Variants in SHPRH observed in about 807,000 individuals in gnomAD.
SHPRH encodes E3 ubiquitin-protein ligase SHPRH.
In SHPRH, 106 loss-of-function variants were observed where a neutral mutation model predicts 202.5. That is an observed-to-expected ratio of 0.52 (90% CI 0.45 to 0.62). SHPRH has a LOEUF of 0.62. Among genes scored for constraint, SHPRH ranks in the 20% least tolerant of loss-of-function variants. The pLI is 0.00. For synonymous variants in SHPRH, 729 were observed against 686.0 expected (o/e 1.06, Z -0.98); for missense variants, 1,710 against 2,020.0 (o/e 0.85, Z 2.94).
intron 25 of SHPRH, chr6:145,908,507 G>A (rs1407559185): frequency 6.6e-6 from 1 of 152,052 alleles, no homozygotes; most frequent in Non-Finnish European, 1.5e-5. Flanking sequence ...GCATTTCTCC[G>A]ATGATCAGTG....
intron 2 of SHPRH, among the ~76,000 whole-genome samples, chr6:145,874,672 C>T (rs1780220393): frequency 6.6e-6 from 1 of 152,132 alleles, no homozygotes; most frequent in Admixed American, 6.5e-5. Context: ...ACATTTTTAT[C>T]CCCTTGAAGT....
At chr6:145,922,230 G>C in intron 20 of SHPRH, 56 bp downstream of exon 20, 3 of 1,464,774 alleles carry the variant, frequency 2.0e-6, no homozygotes, top group Non-Finnish European at 2.8e-6. Context: ...TCACATAACT[G>C]AGTCTTGCAA....
At chr6:145,923,180 C>G (rs1413940146) in intron 18 of SHPRH, among the ~76,000 whole-genome samples, 1 of 151,606 alleles carries the variant, frequency 6.6e-6, no homozygotes, top group Non-Finnish European at 1.5e-5. Context: ...CATCCTTGCT[C>G]TATATGAGGA....
chr6:145,933,104 T>C lies in SHPRH; in HGVS notation c.3065A>G (p.Gln1022Arg), dbSNP rs1562338775. 1 of 1,613,926 alleles carries C rather than the reference T, an allele frequency of 6.2e-7. No individual in the cohort carries two copies. Among genetic ancestry groups the C allele is most frequent in the Admixed American group, 1.7e-5 (1 of 60,018 alleles). ...TAAGCCATTGAGAGCACAAACTAGC[T>C]GTCGATGTGCTTCTTCACATTCAGT... ...CGTECEEAHR[Q>R]LVCALNGLAG... The change falls in exon 14 of 30, where the codon CAG becomes CGG. Residue 1022 changes from glutamine to arginine, a missense_variant. By Grantham distance (43) the Gln-to-Arg change is conservative. Around this residue, in one of 8 missense-constraint regions of SHPRH, gnomAD observed 288 missense variants for 317.8 expected, o/e 0.91. Coordinates refer to ENST00000275233, the MANE Select transcript of SHPRH (RefSeq NM_001042683.3).
intron 1 of SHPRH, among the ~76,000 whole-genome samples, chr6:145,961,894 G>A (rs1789126352): frequency 6.6e-6 from 1 of 152,194 alleles, no homozygotes; most frequent in Non-Finnish European, 1.5e-5. Flanking sequence ...AAAGAAAATA[G>A]TATTTGGTCA....
chr6:145,952,301 T>G (rs954791970), intron 3 of SHPRH, 48 bp downstream of exon 3: 43 of 1,514,222 alleles, frequency 2.8e-5, no homozygotes, highest in Non-Finnish European at 3.8e-5. Flanking sequence ...AGGAAAAAAC[T>G]CACAACTCCT....
chr6:145,962,387 C>T (rs942821993), intron 1 of SHPRH, among the ~76,000 whole-genome samples: 3 of 152,196 alleles, frequency 2.0e-5, no homozygotes, highest in African/African-American at 4.8e-5. Context: ...GAGGACCTAA[C>T]GATACTTTAC....
At position 145,918,248 on chromosome 6, in the gene SHPRH, A is replaced by G; in HGVS notation, c.4153-16T>C. 6.8e-7 allele frequency: 1 copy of G among 1,481,014 alleles called. No homozygotes were observed. The highest frequency in any genetic ancestry group is 9.0e-7 in the Non-Finnish European group (1 of 1,105,404). The allele number at this position is 1,481,014 out of a possible 1,614,324, so 91.7% of individuals were successfully genotyped here. On this transcript the variant is annotated splice_polypyrimidine_tract_variant and intron_variant, in intron 22 of 29. Coordinates refer to ENST00000275233, the MANE Select transcript of SHPRH (RefSeq NM_001042683.3). ...TTTGTTCTACCTAAAGAAAATAAAA[A>G]TAAAAACTTCTTTATTCTTTCAGAA... is the stretch of plus-strand genomic sequence containing the variant.
At chr6:145,860,955 T>C (rs191266507), downstream of SHPRH, among the ~76,000 whole-genome samples, 1 of 151,888 alleles carries the variant, frequency 6.6e-6, no homozygotes, top group Non-Finnish European at 1.5e-5. Context: ...ATGTAAAGCA[T>C]GAAAGTGGGC....
chr6:145,959,102 TG>T (rs962305437), intron 1 of SHPRH, among the ~76,000 whole-genome samples: 1 of 152,216 alleles, frequency 6.6e-6, no homozygotes, highest in Non-Finnish European at 1.5e-5. Context: ...CCCAAAGTGC[TG>T]GGACTACAGG....
chr6:145,871,831 A>G (rs1780069857), intron 2 of SHPRH, among the ~76,000 whole-genome samples: 1 of 152,236 alleles, frequency 6.6e-6, no homozygotes, highest in Admixed American at 6.5e-5. Context: ...ATAGCACGGT[A>G]CTGGTACAAA....
At position 145,943,191 on chromosome 6, in the gene SHPRH, C is replaced by T. The variant is rs374885958; in HGVS notation, c.2190G>A (p.Trp730Ter). The T allele has an allele frequency of 1.9e-6, 3 of 1,612,764 alleles. No individual in the cohort carries two copies. The highest frequency in any genetic ancestry group is 2.5e-6 in the Non-Finnish European group (3 of 1,179,358). Residue 730 changes from tryptophan to a stop codon, truncating the protein, a stop_gained, in exon 9 of 30, where the codon TGG (tryptophan) becomes TGA (stop). Transcript: ENST00000275233. LOFTEE classifies it high-confidence loss of function. ...TCACATGCCTGTTGATCTCATCCAC[C>T]CACTGGTGACAGATGGAACTTGGAG... ...IISPSSICHQWVDEINRHVRS... is the reference protein window; with the variant it reads ...IISPSSICHQ
intron 2 of SHPRH, among the ~76,000 whole-genome samples, chr6:145,864,700 G>GT (rs1249485726): frequency 1.4e-5 from 2 of 148,092 alleles, no homozygotes; most frequent in Non-Finnish European, 3.0e-5. Flanking sequence ...TAAAGCTAAG[G>GT]TTAAAAAAAA....
At chr6:145,910,080 T>G (rs1783354991) in intron 25 of SHPRH, 1 of 165,300 alleles carries the variant, frequency 6.0e-6, no homozygotes. Context: ...TTCCTTACAT[T>G]CAGGGATGTG....
intron 11 of SHPRH, among the ~76,000 whole-genome samples, chr6:145,936,623 G>A (rs1047816415): frequency 2.0e-5 from 3 of 151,836 alleles, no homozygotes; most frequent in African/African-American, 4.8e-5. Flanking sequence ...CACCATGTCC[G>A]GGTTGTAATT....
At chr6:145,859,745 A>G (rs1779521705), downstream of SHPRH, among the ~76,000 whole-genome samples, 1 of 152,070 alleles carries the variant, frequency 6.6e-6, no homozygotes, top group Non-Finnish European at 1.5e-5. Context: ...CTGTTGTAAC[A>G]ATACCCAAGC....
At chr6:145,933,750 A>G (rs1785724309) in intron 13 of SHPRH, among the ~76,000 whole-genome samples, 1 of 152,238 alleles carries the variant, frequency 6.6e-6, no homozygotes, top group African/African-American at 2.4e-5. Context: ...CCTGCTTAAA[A>G]GCAAAGACAA....
intron 15 of SHPRH, 125 bp from the exon 16 acceptor site, chr6:145,926,421 T>C (rs1193092854): frequency 3.6e-6 from 3 of 843,168 alleles, no homozygotes; most frequent in Non-Finnish European, 5.5e-6. Flanking sequence ...ATACTTTTCC[T>C]ATAAAAAAAT....
At chr6:145,883,124 A>C (rs1780708094), downstream of SHPRH, 1 of 152,210 alleles carries the variant, frequency 6.6e-6, no homozygotes, top group African/African-American at 2.4e-5. Flanking sequence ...GGAAAAAGTT[A>C]TTAATTTTAG....
Sources: allele counts gnomAD v4.1 joint callset (sites outside exome capture counted in the v4.1 genomes callset), GRCh38; gene constraint gnomAD v4.1.1; regional missense constraint gnomAD v4.1.1; transcripts MANE v1.5; gene names NCBI Gene and HGNC (gene_info 2026-07-23, HGNC 2026-07-21).